Variants in KCND2 observed in about 807,000 individuals in gnomAD.
KCND2 encodes the protein A-type voltage-gated potassium channel KCND2.
KCND2 carries 16 observed loss-of-function variants against 54.4 expected under a neutral mutation model. That is an observed-to-expected ratio of 0.29 (90% CI 0.20 to 0.45). KCND2 has a LOEUF of 0.45. Among genes scored for constraint, KCND2 ranks in the 20% least tolerant of loss-of-function variants. The probability of loss-of-function intolerance (pLI) is 1.00; values close to 1 mark genes in which losing one functional copy is unlikely to be tolerated. For missense variants in KCND2, 486 were observed against 824.2 expected, an observed-to-expected ratio of 0.59 and a Z score of 5.02; for synonymous variants, 317 against 310.7, an observed-to-expected ratio of 1.02 and a Z score of -0.21.
In KCND2 at chr7:120,650,022, G is replaced by A. The variant is rs571452667; in HGVS notation, c.1116-82881G>A. Among the ~76,000 whole-genome samples the A allele has an allele frequency of 4.6e-5, 7 of 152,082 alleles. No individual in the cohort carries two copies. In the East Asian group the frequency reaches 7.7e-4, roughly 17 times the overall value. On this transcript the variant is annotated intron_variant, in intron 1 of 5. Transcript: ENST00000331113. ...ATGGGCTTCCCTTTGTGGATAACCC[G>A]ACCTTTCTCTCTGGCTGCCCTTAAC...
intron 1 of KCND2, among the ~76,000 whole-genome samples, chr7:120,289,037 A>AACACAC (rs763897007): frequency 7.2e-4 from 45 of 62,230 alleles, no homozygotes; most frequent in African/African-American, 1.4e-3. Flanking sequence ...CAGAGACACA[A>AACACAC]ACACACACAC....
At chr7:120,636,383 T>C (rs144791016) in intron 1 of KCND2, among the ~76,000 whole-genome samples, 209 of 152,254 alleles carry the variant, frequency 1.4e-3, no homozygotes, top group African/African-American at 4.7e-3. Flanking sequence ...CTCTTCCTCA[T>C]TATGAAATAT....
chr7:120,307,546 T>C (rs958265770), intron 1 of KCND2, among the ~76,000 whole-genome samples: 4 of 152,092 alleles, frequency 2.6e-5, no homozygotes, highest in African/African-American at 9.7e-5. Context: ...AACTGGAAGT[T>C]CCATATCCAT....
At chr7:120,649,588 T>C (rs1218326279) in intron 1 of KCND2, among the ~76,000 whole-genome samples, 5 of 152,238 alleles carry the variant, frequency 3.3e-5, no homozygotes, top group African/African-American at 9.6e-5. Context: ...TACATATCCT[T>C]CGTCCACTTT....
intron 2 of KCND2, among the ~76,000 whole-genome samples, chr7:120,739,606 A>G (rs913058254): frequency 5.3e-5 from 8 of 152,010 alleles, no homozygotes; most frequent in Non-Finnish European, 1.2e-4. Flanking sequence ...AAAGTATATT[A>G]TTTTAACCTG....
intron 1 of KCND2, among the ~76,000 whole-genome samples, chr7:120,480,100 A>T (rs1005672883): frequency 6.6e-6 from 1 of 151,932 alleles, no homozygotes; most frequent in Admixed American, 6.6e-5. Flanking sequence ...TATTTTCAAC[A>T]GTTTTTTTAT....
At position 120,523,742 on chromosome 7, in the gene KCND2, GTGTGTA is replaced by G. The variant is rs1289523205; in HGVS notation, c.1116-209157_1116-209152del. On this transcript the variant is annotated intron_variant, in intron 1 of 5. Coordinates refer to ENST00000331113, the MANE Select transcript of KCND2 (RefSeq NM_012281.3). ...TGTGTGTGTGTGTGTGTGTGTGTGTGTGTGTATGTCTTTGGCCTATCAAGAATAACA... is the reference window on the plus strand; with the variant it reads ...TGTGTGTGTGTGTGTGTGTGTGTGTGTGTCTTTGGCCTATCAAGAATAACA... Among the ~76,000 whole-genome samples, 1,004 of 143,836 alleles carry G rather than the reference GTGTGTA, an allele frequency of 7.0e-3. 12 individuals carry two copies. Among genetic ancestry groups the G allele is most frequent in the African/African-American group, 0.025 (941 of 38,220 alleles). The allele number at this position is 143,836 out of a possible 152,430, so 94.4% of individuals were successfully genotyped here.
chr7:120,461,687 A>T (rs1562844762), intron 1 of KCND2, among the ~76,000 whole-genome samples: 1 of 152,168 alleles, frequency 6.6e-6, no homozygotes, highest in South Asian at 2.1e-4. Context: ...GACTAAAAAT[A>T]TGTATGTAGA....
At chr7:120,543,000 A>T (rs906309912) in intron 1 of KCND2, among the ~76,000 whole-genome samples, 1 of 151,880 alleles carries the variant, frequency 6.6e-6, no homozygotes, top group African/African-American at 2.4e-5. Context: ...GATAATACAC[A>T]CTCCTACATA....
chr7:120,459,110 C>T (rs796648160), intron 1 of KCND2, among the ~76,000 whole-genome samples: 10 of 152,158 alleles, frequency 6.6e-5, no homozygotes, highest in African/African-American at 2.4e-4. Flanking sequence ...CAAACTCTCC[C>T]AGAAAACAAG....
chr7:120,401,217 G>C (rs752333503), intron 1 of KCND2, among the ~76,000 whole-genome samples: 1 of 152,114 alleles, frequency 6.6e-6, no homozygotes, highest in Non-Finnish European at 1.5e-5. Context: ...AGCATCTCAA[G>C]ATACAGACCA....
intron 1 of KCND2, among the ~76,000 whole-genome samples, chr7:120,352,536 A>G (rs1329211108): frequency 6.6e-6 from 1 of 151,890 alleles, no homozygotes; most frequent in Non-Finnish European, 1.5e-5. Flanking sequence ...CATGAATTTT[A>G]TAGAGCATCC....
At chr7:120,629,962 G>A (rs1301104902) in intron 1 of KCND2, among the ~76,000 whole-genome samples, 1 of 152,152 alleles carries the variant, frequency 6.6e-6, no homozygotes, top group African/African-American at 2.4e-5. Flanking sequence ...GGCTATACTA[G>A]CCTGGAGTTC....
At chr7:120,610,817 G>C (rs935747873) in intron 1 of KCND2, among the ~76,000 whole-genome samples, 1 of 152,070 alleles carries the variant, frequency 6.6e-6, no homozygotes, top group African/African-American at 2.4e-5. Flanking sequence ...CATTAACAGG[G>C]TACTACTCAT....
chr7:120,370,959 T>C (rs754076091), intron 1 of KCND2, among the ~76,000 whole-genome samples: 15 of 152,084 alleles, frequency 9.9e-5, no homozygotes, highest in Non-Finnish European at 2.2e-4. Flanking sequence ...GGTTAGCTTA[T>C]GCTGTGGGAA....
At chr7:120,614,459 A>G (rs1188682776) in intron 1 of KCND2, among the ~76,000 whole-genome samples, 1 of 152,176 alleles carries the variant, frequency 6.6e-6, no homozygotes, top group Non-Finnish European at 1.5e-5. Context: ...GGAACTGAAA[A>G]TCCACCTCAT....
intron 1 of KCND2, among the ~76,000 whole-genome samples, chr7:120,296,505 A>G (rs1408158093): frequency 6.6e-6 from 1 of 152,138 alleles, no homozygotes; most frequent in Non-Finnish European, 1.5e-5. Context: ...ATTTTTATAA[A>G]CCAGAATTCA....
chr7:120,736,397 A>C (rs1792870949), intron 2 of KCND2, among the ~76,000 whole-genome samples: 1 of 151,468 alleles, frequency 6.6e-6, no homozygotes, highest in Admixed American at 6.6e-5. Context: ...CCTCTCCTCT[A>C]CTCCCACCAT....
intron 1 of KCND2, among the ~76,000 whole-genome samples, chr7:120,583,727 T>G (rs1792549958): frequency 6.7e-6 from 1 of 149,464 alleles, no homozygotes; most frequent in Non-Finnish European, 1.5e-5. Flanking sequence ...GGTCCTTTGA[T>G]ATCTCCAAAT....
Sources: gnomAD v4.1 joint callset for allele counts (sites outside exome capture counted in the v4.1 genomes callset) on GRCh38, gnomAD v4.1.1 for gene constraint, MANE v1.5 for transcripts, NCBI Gene and HGNC (gene_info 2026-07-23, HGNC 2026-07-21) for gene names.